Variants in LARGE1 observed in about 807,000 individuals in gnomAD.
LARGE1 encodes xylosyl- and glucuronyltransferase LARGE1.
LARGE1 carries 43 observed loss-of-function variants against 87.6 expected under a neutral mutation model. The ratio of observed to expected loss-of-function variants is 0.49; its 90% CI spans 0.38 to 0.63. LARGE1 has a LOEUF of 0.63. LARGE1 is among the 30% of genes least tolerant of loss of function. The pLI, the probability that LARGE1 is intolerant of heterozygous loss-of-function variation, is 0.00. For missense variants in LARGE1, 802 were observed against 1,000.2 expected (o/e 0.80, Z 2.67); for synonymous variants, 434 against 394.6 (o/e 1.10, Z -1.18).
chr22:33,725,803 A>G (rs915935396), intron 2 of LARGE1: 1 of 152,248 alleles, frequency 6.6e-6, no homozygotes, highest in African/African-American at 2.4e-5. Context: ...TAACTGCAGA[A>G]TAGTCATAAT....
the LARGE1 span, among the ~76,000 whole-genome samples, chr22:33,103,045 C>T: frequency 2.0e-5 from 3 of 152,188 alleles, no homozygotes; most frequent in South Asian, 2.1e-4. Context: ...CCCGCCCCGC[C>T]GGTGTAGATG....
At chr22:33,309,466 C>T (rs1935318598) in intron 11 of LARGE1, among the ~76,000 whole-genome samples, 1 of 152,158 alleles carries the variant, frequency 6.6e-6, no homozygotes, top group Admixed American at 6.5e-5. Context: ...CACACCTAGC[C>T]TTCATGCCCT....
At chr22:33,219,941 C>A (rs779728350) in intron 11 of LARGE1, among the ~76,000 whole-genome samples, 3 of 152,202 alleles carry the variant, frequency 2.0e-5, no homozygotes, top group Non-Finnish European at 4.4e-5. Context: ...CCTCCCCTCA[C>A]ACAGCCTTAG....
intron 6 of LARGE1, among the ~76,000 whole-genome samples, chr22:33,553,355 TA>T (rs3216422): frequency 0.41 from 60,034 of 147,566 alleles, 12,628 homozygotes; most frequent in Admixed American, 0.48. Flanking sequence ...AAATAAAAAT[TA>T]AAAAAAAAAA....
At chr22:33,288,504 T>A (rs1244400334) in intron 12 of LARGE1, among the ~76,000 whole-genome samples, 1 of 152,186 alleles carries the variant, frequency 6.6e-6, no homozygotes, top group African/African-American at 2.4e-5. Flanking sequence ...TATATTACTA[T>A]CTATAGGATA....
intron 2 of LARGE1, among the ~76,000 whole-genome samples, chr22:33,694,403 C>T (rs2082183522): frequency 6.6e-6 from 1 of 152,204 alleles, no homozygotes; most frequent in Admixed American, 6.5e-5. Flanking sequence ...TCTAGTGAAC[C>T]TTTCTGTAAG....
At chr22:33,505,207 C>T (rs2070704455) in intron 6 of LARGE1, among the ~76,000 whole-genome samples, 1 of 152,246 alleles carries the variant, frequency 6.6e-6, no homozygotes, top group African/African-American at 2.4e-5. Context: ...CAGAGGAGAC[C>T]TGTGCTCAGG....
chr22:33,183,630 A>G lies in LARGE1; in HGVS notation c.1731-16798T>C, dbSNP rs55649854. 7.9e-3 allele frequency among the ~76,000 whole-genome samples: 770 copies of G among 97,680 alleles called. 6 individuals carry two copies. The highest frequency in any genetic ancestry group is 0.024 in the African/African-American group (681 of 28,864). The allele number at this position is 97,680 out of a possible 152,430, so 64.1% of individuals were successfully genotyped here. A position where few individuals can be genotyped will look rare whatever the true frequency, so the allele number is the denominator to read the frequency against. ...CACACACACACACACGCACACACAC[A>G]CACACACACACACACACACACACAG... On this transcript the variant is annotated intron_variant, in intron 11 of 11. Transcript: ENST00000608642.
the LARGE1 span, among the ~76,000 whole-genome samples, chr22:33,096,442 T>C: frequency 6.7e-6 from 1 of 149,424 alleles, no homozygotes; most frequent in African/African-American, 2.5e-5. Context: ...AAGGATATAA[T>C]ACCCAATTTC....
downstream of LARGE1, among the ~76,000 whole-genome samples, chr22:33,157,373 A>T (rs5754472): frequency 0.018 from 2,735 of 151,440 alleles, 166 homozygotes; most frequent in East Asian, 0.19. Context: ...ATGCTTAAAA[A>T]CTCTTTAATG....
chr22:33,327,069 C>A lies in LARGE1; in HGVS notation c.1287+10577G>T, dbSNP rs556461029. ...AAGAGTTGGCGACATGCGGCTCGCA[C>A]GTGAGAGCAGGAATGCATTCTGGGC... On this transcript the variant is annotated intron_variant, in intron 10 of 14. Coordinates refer to ENST00000397394, the MANE Select transcript of LARGE1 (RefSeq NM_133642.5). 3.3e-5 allele frequency among the ~76,000 whole-genome samples: 5 copies of A among 152,306 alleles called. No homozygotes were observed. In the South Asian group the frequency reaches 1.0e-3, roughly 32 times the overall value.
chr22:33,894,330 A>C (rs1034511614), intron 1 of LARGE1, among the ~76,000 whole-genome samples: 7 of 152,170 alleles, frequency 4.6e-5, no homozygotes, highest in African/African-American at 1.7e-4. Flanking sequence ...GATCCCAGAC[A>C]TCAGCATCAG....
intron 10 of LARGE1, among the ~76,000 whole-genome samples, chr22:33,330,447 A>G (rs977786430): frequency 3.9e-5 from 6 of 152,122 alleles, no homozygotes; most frequent in African/African-American, 1.2e-4. Flanking sequence ...CTCTGCCTCC[A>G]AAAGTGCAAG....
chr22:33,776,023 C>G (rs1000916143), intron 1 of LARGE1, among the ~76,000 whole-genome samples: 8 of 152,248 alleles, frequency 5.3e-5, no homozygotes, highest in Admixed American at 4.6e-4. Flanking sequence ...TTAAGGCAAG[C>G]ACTTCTTCAG....
At position 33,384,181 on chromosome 22, in the gene LARGE1, T is replaced by C. The variant is rs188613550; in HGVS notation, c.1005+11A>G. 11 of 1,598,032 alleles carry C rather than the reference T, an allele frequency of 6.9e-6. No homozygotes were observed. The Admixed American group carries it at 1.5e-4, about 22-fold the overall frequency. On this transcript the variant is annotated intron_variant, in intron 8 of 14. Transcript: ENST00000397394. ...TCAGGAATAGCTGCACCTTCGAACC[T>C]GGCCACTCACCTGGTCAGCTAAGGA... is the stretch of plus-strand genomic sequence containing the variant.
chr22:33,348,131 C>T (rs890674346), intron 9 of LARGE1, among the ~76,000 whole-genome samples: 27 of 151,874 alleles, frequency 1.8e-4, no homozygotes, highest in African/African-American at 4.4e-4. Flanking sequence ...AGGAGTGACC[C>T]GAAAAGGGGA....
chr22:33,269,996 C>T (rs956286470), downstream of LARGE1, among the ~76,000 whole-genome samples: 3 of 143,312 alleles, frequency 2.1e-5, no homozygotes, highest in African/African-American at 8.5e-5. Flanking sequence ...CAGAGCAAGA[C>T]TCTGTCTCAA....
At chr22:33,789,369 G>A (rs1295829293) in intron 1 of LARGE1, among the ~76,000 whole-genome samples, 1 of 152,240 alleles carries the variant, frequency 6.6e-6, no homozygotes, top group Non-Finnish European at 1.5e-5. Context: ...CCAGGCAGAT[G>A]TCTGCTACAG....
intron 12 of LARGE1, among the ~76,000 whole-genome samples, chr22:33,294,827 GA>G (rs1394547893): frequency 6.6e-6 from 1 of 152,160 alleles, no homozygotes; most frequent in Non-Finnish European, 1.5e-5. Flanking sequence ...GGGAATGGAG[GA>G]ATCTATTTGT....
Sources: allele counts gnomAD v4.1 joint callset (sites outside exome capture counted in the v4.1 genomes callset), GRCh38; gene constraint gnomAD v4.1.1; transcripts MANE v1.5; gene names NCBI Gene and HGNC (gene_info 2026-07-23, HGNC 2026-07-21).